HMBOX1: variants seen among roughly 807,000 people sequenced by gnomAD.
The protein encoded by HMBOX1 is homeobox-containing protein 1.
A neutral mutation model predicts 54.5 loss-of-function variants in HMBOX1; 14 were observed. The ratio of observed to expected loss-of-function variants is 0.26; its 90% CI spans 0.17 to 0.40. The LOEUF (loss-of-function observed/expected upper bound fraction) is 0.40. Among genes scored for constraint, HMBOX1 ranks in the 10% least tolerant of loss-of-function variants. The pLI, the probability that HMBOX1 is intolerant of heterozygous loss-of-function variation, is 1.00. For missense variants in HMBOX1, 332 were observed against 514.4 expected (o/e 0.65, Z 3.43); for synonymous variants, 160 against 181.0 (o/e 0.88, Z 0.93).
chr8:29,049,152 C>T (rs762588928), intron 9 of HMBOX1, 104 bp downstream of exon 9: 197 of 1,452,874 alleles, frequency 1.4e-4, no homozygotes, highest in Non-Finnish European at 1.8e-4. Flanking sequence ...GGAGGGGAAA[C>T]AGTCACTGTC....
intron 1 of HMBOX1, among the ~76,000 whole-genome samples, chr8:28,903,592 G>C (rs573203346): frequency 6.6e-6 from 1 of 152,286 alleles, no homozygotes; most frequent in South Asian, 2.1e-4. Flanking sequence ...TATGGATGAG[G>C]TGGGACTATC....
At chr8:28,906,295 A>G (rs1028474846) in intron 1 of HMBOX1, among the ~76,000 whole-genome samples, 6 of 152,224 alleles carry the variant, frequency 3.9e-5, no homozygotes, top group Admixed American at 1.3e-4. Context: ...CTTTATCTAG[A>G]GAAACTTTAA....
At chr8:28,948,670 T>A (rs1822905890) in intron 1 of HMBOX1, among the ~76,000 whole-genome samples, 1 of 152,238 alleles carries the variant, frequency 6.6e-6, no homozygotes, top group South Asian at 2.1e-4. Context: ...GTGTAAGCAC[T>A]AACCTGGGAA....
At chr8:28,953,274 C>G (rs1823837255) in intron 1 of HMBOX1, among the ~76,000 whole-genome samples, 1 of 152,172 alleles carries the variant, frequency 6.6e-6, no homozygotes, top group African/African-American at 2.4e-5. Context: ...TCCTTCACCC[C>G]AGACCCTCCA....
chr8:28,963,847 T>C lies in HMBOX1; in HGVS notation c.-21T>C. 3 of 1,593,306 alleles carry C rather than the reference T, an allele frequency of 1.9e-6. No homozygotes were observed. The Admixed American group carries it at 5.1e-5, about 27-fold the overall frequency. On this transcript the variant is annotated 5_prime_UTR_variant, in exon 2 of 10. Transcript: ENST00000287701. ...ACGCAGATCATCTCTGGAAAGGATA[T>C]TGATCCGCCTCATGTAAAGTATGCT...
chr8:29,015,635 C>T lies in HMBOX1; in HGVS notation c.698-3125C>T, dbSNP rs914989293. On this transcript the variant is annotated intron_variant, in intron 5 of 9. Coordinates refer to ENST00000287701, the MANE Select transcript of HMBOX1 (RefSeq NM_001135726.3). The stretch of plus-strand genomic sequence containing the variant: ...AACTTAGTTAACTTTCAATTAGGCC[C>T]AGACTGAATTCTCAGTTTATTTTGG... Among the ~76,000 whole-genome samples the T allele has an allele frequency of 4.4e-4, 67 of 152,158 alleles. 1 individual carries two copies. The highest frequency in any genetic ancestry group is 1.3e-3 in the African/African-American group (55 of 41,430).
chr8:28,960,780 T>TGGAGACGGAG (rs1825412212), intron 1 of HMBOX1, among the ~76,000 whole-genome samples: 1 of 43,384 alleles, frequency 2.3e-5, no homozygotes, highest in Non-Finnish European at 5.0e-5. Context: ...TTTTTTTTTT[T>TGGAGACGGAG]TTTTTTTTTT....
chr8:29,019,504 G>A (rs1445697164), intron 6 of HMBOX1, among the ~76,000 whole-genome samples: 1 of 152,018 alleles, frequency 6.6e-6, no homozygotes, highest in Non-Finnish European at 1.5e-5. Context: ...GGCATACTTA[G>A]CATAGATCCT....
chr8:28,959,578 C>T (rs1202534005), intron 1 of HMBOX1, among the ~76,000 whole-genome samples: 1 of 152,104 alleles, frequency 6.6e-6, no homozygotes, highest in Non-Finnish European at 1.5e-5. Flanking sequence ...ACTCTATAGT[C>T]TAATGTGAGT....
At chr8:29,002,886 G>A (rs1007317285) in intron 4 of HMBOX1, among the ~76,000 whole-genome samples, 2 of 151,952 alleles carry the variant, frequency 1.3e-5, no homozygotes, top group African/African-American at 4.8e-5. Context: ...TTGGGTGTGT[G>A]GTTTTTAAAA....
intron 4 of HMBOX1, among the ~76,000 whole-genome samples, chr8:28,980,611 TGAG>T (rs1319557409): frequency 6.6e-6 from 1 of 152,214 alleles, no homozygotes; most frequent in African/African-American, 2.4e-5. Flanking sequence ...GAAACATTAC[TGAG>T]AAGAGTCACC....
At chr8:28,903,712 G>A (rs1156362011) in intron 1 of HMBOX1, among the ~76,000 whole-genome samples, 1 of 152,128 alleles carries the variant, frequency 6.6e-6, no homozygotes, top group Admixed American at 6.5e-5. Context: ...ACTTGAACTA[G>A]GAGTTGATCA....
At chr8:28,959,060 C>T (rs1824999616) in intron 1 of HMBOX1, among the ~76,000 whole-genome samples, 1 of 152,088 alleles carries the variant, frequency 6.6e-6, no homozygotes, top group African/African-American at 2.4e-5. Flanking sequence ...GTATACTATG[C>T]ACAGATTTCA....
At chr8:28,921,110 G>A (rs968540464) in intron 1 of HMBOX1, among the ~76,000 whole-genome samples, 14 of 152,160 alleles carry the variant, frequency 9.2e-5, no homozygotes. Context: ...TGAGGCGGGT[G>A]GATCATTTGA....
intron 4 of HMBOX1, among the ~76,000 whole-genome samples, chr8:28,996,658 A>G (rs759447685): frequency 6.6e-6 from 1 of 152,332 alleles, no homozygotes; most frequent in Admixed American, 6.5e-5. Context: ...TGCTTTTAGT[A>G]TCATAGCTAA....
intron 1 of HMBOX1, among the ~76,000 whole-genome samples, chr8:28,948,244 A>G (rs1389753099): frequency 1.3e-5 from 2 of 152,090 alleles, no homozygotes; most frequent in Non-Finnish European, 2.9e-5. Flanking sequence ...CTGAAAATAC[A>G]TTTTTTTACC....
chr8:29,042,871 TG>T (rs1187715354), intron 6 of HMBOX1, among the ~76,000 whole-genome samples: 1 of 151,974 alleles, frequency 6.6e-6, no homozygotes, highest in Non-Finnish European at 1.5e-5. Flanking sequence ...AACTGATGGG[TG>T]GGGGGATTAA....
chr8:29,035,270 T>TATCA (rs1803671682), intron 6 of HMBOX1, among the ~76,000 whole-genome samples: 1 of 152,212 alleles, frequency 6.6e-6, no homozygotes, highest in Non-Finnish European at 1.5e-5. Context: ...GATTGATCCT[T>TATCA]ATCAATCCTG....
At chr8:29,050,899 G>A (rs1180546563) in intron 9 of HMBOX1, 119 bp from the exon 10 acceptor site, 22 of 869,498 alleles carry the variant, frequency 2.5e-5, no homozygotes, top group Non-Finnish European at 3.9e-5. Flanking sequence ...ATTTTATCAT[G>A]AGCCCCTCCC....
Sources: allele counts gnomAD v4.1 joint callset (sites outside exome capture counted in the v4.1 genomes callset), GRCh38; gene constraint gnomAD v4.1.1; transcripts MANE v1.5; gene names NCBI Gene and HGNC (gene_info 2026-07-23, HGNC 2026-07-21).